The following CLVS1 variants were observed in gnomAD, a reference collection of about 807,000 sequenced individuals.
CLVS1 encodes clavesin-1.
In CLVS1, 10 loss-of-function variants were observed where a neutral mutation model predicts 33.1. The ratio of observed to expected loss-of-function variants is 0.30; its 90% CI spans 0.19 to 0.51. The LOEUF (loss-of-function observed/expected upper bound fraction) is 0.51. CLVS1 is among the 20% of genes least tolerant of loss of function. CLVS1 has a pLI of 0.97. For synonymous variants in CLVS1, 163 were observed against 166.1 expected (o/e 0.98, Z 0.14); for missense variants, 343 against 433.4 (o/e 0.79, Z 1.85).
chr8:61,028,104 C>G, the CLVS1 span, among the ~76,000 whole-genome samples: 1 of 152,202 alleles, frequency 6.6e-6, no homozygotes, highest in African/African-American at 2.4e-5. Flanking sequence ...GGGCTAACAG[C>G]TGCAAACACA....
rs189460969 is a variant in CLVS1, at chr8:61,245,587, A to G, written c.-151-54090A>G. Among the ~76,000 whole-genome samples the G allele has an allele frequency of 7.6e-3, 1,161 of 152,038 alleles. 15 individuals are homozygous for G. Among genetic ancestry groups the G allele is most frequent in the African/African-American group, 0.026 (1,086 of 41,498 alleles). On this transcript the variant is annotated intron_variant, in intron 2 of 2. Transcript: ENST00000522621. ...CTTTTGTCCATTTATATTGTATATA[A>G]TTACAGATATACTGGGGCAAACATC... is the stretch of plus-strand genomic sequence containing the variant.
At chr8:61,217,524 A>C (rs1460006295) in intron 2 of CLVS1, among the ~76,000 whole-genome samples, 1 of 152,162 alleles carries the variant, frequency 6.6e-6, no homozygotes, top group Non-Finnish European at 1.5e-5. Context: ...AGTTCAACAC[A>C]CTTCAATTAA....
intron 1 of CLVS1, among the ~76,000 whole-genome samples, chr8:61,118,376 G>T (rs1477144222): frequency 6.6e-6 from 1 of 151,110 alleles, no homozygotes; most frequent in Non-Finnish European, 1.5e-5. Context: ...ATTTCCTTCA[G>T]TTCTGCTCTG....
chr8:60,966,790 A>G, the CLVS1 span, among the ~76,000 whole-genome samples: 2 of 152,258 alleles, frequency 1.3e-5, no homozygotes, highest in Non-Finnish European at 2.9e-5. Flanking sequence ...TGTTAACAGA[A>G]GCATACACAT....
At chr8:61,108,410 A>G (rs1009260100) in intron 1 of CLVS1, among the ~76,000 whole-genome samples, 10 of 152,206 alleles carry the variant, frequency 6.6e-5, no homozygotes, top group African/African-American at 2.4e-4. Context: ...CGATTTTGCA[A>G]TTCTGGTATC....
chr8:61,258,881 G>C (rs1020802899), intron 2 of CLVS1, among the ~76,000 whole-genome samples: 2 of 152,186 alleles, frequency 1.3e-5, no homozygotes, highest in Non-Finnish European at 2.9e-5. Flanking sequence ...ACAGTGCCTA[G>C]CTTTGGTTTT....
intron 2 of CLVS1, among the ~76,000 whole-genome samples, chr8:61,168,111 G>T (rs1007308677): frequency 6.6e-6 from 1 of 152,100 alleles, no homozygotes; most frequent in African/African-American, 2.4e-5. Flanking sequence ...GTTTGGATCG[G>T]GACCCCTTTC....
intron 2 of CLVS1, among the ~76,000 whole-genome samples, chr8:61,134,505 T>C (rs2129291779): frequency 6.6e-6 from 1 of 152,376 alleles, no homozygotes; most frequent in East Asian, 1.9e-4. Flanking sequence ...TGTCAGTGTT[T>C]ATAAAGTTGC....
At chr8:61,032,945 A>C in the CLVS1 span, among the ~76,000 whole-genome samples, 1 of 147,818 alleles carries the variant, frequency 6.8e-6, no homozygotes, top group East Asian at 2.0e-4. Context: ...ACATAGTGAG[A>C]CCCTGTCAAA....
intron 1 of CLVS1, among the ~76,000 whole-genome samples, chr8:61,110,792 A>T (rs1805612147): frequency 6.6e-6 from 1 of 152,198 alleles, no homozygotes; most frequent in Non-Finnish European, 1.5e-5. Context: ...AGAATCATAC[A>T]GTATTAGTCT....
At chr8:61,067,456 A>C (rs1804703760) in intron 1 of CLVS1, among the ~76,000 whole-genome samples, 1 of 148,706 alleles carries the variant, frequency 6.7e-6, no homozygotes, top group Non-Finnish European at 1.5e-5. Flanking sequence ...ATTAGTTGAT[A>C]TATTATTATA....
intron 3 of CLVS1, among the ~76,000 whole-genome samples, chr8:61,410,840 C>A (rs780584194): frequency 7.2e-5 from 11 of 152,112 alleles, no homozygotes; most frequent in Non-Finnish European, 1.3e-4. Flanking sequence ...GGGGATTTCA[C>A]CATGTTGGCC....
chr8:60,973,498 T>C, the CLVS1 span, among the ~76,000 whole-genome samples: 10 of 152,296 alleles, frequency 6.6e-5, no homozygotes, highest in East Asian at 1.3e-3. Flanking sequence ...GAAGAAAGAA[T>C]TCAACTGAGG....
At chr8:61,219,270 A>G (rs1120055) in intron 2 of CLVS1, among the ~76,000 whole-genome samples, 73,014 of 151,952 alleles carry the variant, frequency 0.48, 18,346 homozygotes, top group East Asian at 0.82. Context: ...TGCTGCACCT[A>G]TTGACCTGTC....
chr8:61,403,691 T>TA (rs1165535209), intron 3 of CLVS1, among the ~76,000 whole-genome samples: 7 of 152,102 alleles, frequency 4.6e-5, no homozygotes, highest in Admixed American at 2.6e-4. Flanking sequence ...AGACTTCAGG[T>TA]AAAAATGACT....
At chr8:61,007,672 C>A in the CLVS1 span, among the ~76,000 whole-genome samples, 7 of 152,210 alleles carry the variant, frequency 4.6e-5, no homozygotes, top group Non-Finnish European at 8.8e-5. Context: ...CCACGCTACT[C>A]CCGCATTGCT....
chr8:61,018,784 A>G, the CLVS1 span, among the ~76,000 whole-genome samples: 4 of 152,210 alleles, frequency 2.6e-5, no homozygotes, highest in African/African-American at 4.8e-5. Context: ...CTCAGTGGAA[A>G]AGGGGTTTTC....
Position 61,480,575 on chromosome 8 carries a change from GCTGCACCCACTGTC to G in CLVS1, c.978-18864_978-18851del, listed in dbSNP as rs1313280355. The stretch of plus-strand genomic sequence containing the variant: ...CCCTGCTTTGGCTCATGCATGGTGT[GCTGCACCCACTGTC>G]CTGCACCCACTGTCCGGCACTCCCC... On this transcript the variant is annotated intron_variant, in intron 5 of 5. Coordinates refer to ENST00000325897, the MANE Select transcript of CLVS1 (RefSeq NM_173519.3). Among the ~76,000 whole-genome samples, 19 of 152,226 alleles carry G rather than the reference GCTGCACCCACTGTC, an allele frequency of 1.2e-4. No homozygotes were observed. The East Asian group carries it at 1.5e-3, about 12-fold the overall frequency.
At chr8:61,180,465 G>C (rs929268191) in intron 2 of CLVS1, among the ~76,000 whole-genome samples, 9 of 152,166 alleles carry the variant, frequency 5.9e-5, no homozygotes, top group Non-Finnish European at 1.0e-4. Context: ...TTGAAAAGGA[G>C]AGATTCCTCC....
Sources: allele counts gnomAD v4.1 joint callset (sites outside exome capture counted in the v4.1 genomes callset), GRCh38; gene constraint gnomAD v4.1.1; transcripts MANE v1.5; gene names NCBI Gene and HGNC (gene_info 2026-07-23, HGNC 2026-07-21).